RBFOX1: variants seen among roughly 807,000 people sequenced by gnomAD.
RBFOX1 encodes the protein RNA binding fox-1 homolog 1.
RBFOX1 carries 8 observed loss-of-function variants against 57.7 expected under a neutral mutation model. The ratio of observed to expected loss-of-function variants is 0.14; its 90% CI spans 0.08 to 0.25. RBFOX1 has a LOEUF of 0.25. RBFOX1 is among the 10% of genes least tolerant of loss of function. RBFOX1 has a pLI of 1.00. For synonymous variants in RBFOX1, 326 were observed against 222.4 expected (o/e 1.47, Z -4.15); for missense variants, 611 against 548.5 (o/e 1.11, Z -1.14).
At chr16:6,835,742 A>G (rs2093045339) in intron 3 of RBFOX1, among the ~76,000 whole-genome samples, 1 of 139,066 alleles carries the variant, frequency 7.2e-6, no homozygotes, top group Non-Finnish European at 1.5e-5. Context: ...TGATAGAGTA[A>G]GACTCTGCTT....
chr16:7,011,703 T>C (rs1327159301), intron 3 of RBFOX1, among the ~76,000 whole-genome samples: 2 of 152,188 alleles, frequency 1.3e-5, no homozygotes, highest in East Asian at 3.9e-4. Context: ...TTAGTAGAGA[T>C]GGGAGTTTCA....
At chr16:6,195,026 C>T (rs900582602) in intron 1 of RBFOX1, among the ~76,000 whole-genome samples, 4 of 152,104 alleles carry the variant, frequency 2.6e-5, no homozygotes, top group Admixed American at 2.6e-4. Context: ...TTACTCTAGG[C>T]CAGTTTTTCC....
intron 1 of RBFOX1, among the ~76,000 whole-genome samples, chr16:6,254,462 G>C (rs1007425755): frequency 1.3e-5 from 2 of 152,208 alleles, no homozygotes; most frequent in Admixed American, 6.6e-5. Flanking sequence ...AGGCAGAGTA[G>C]CAGAGTGCTT....
At chr16:7,567,156 TATATATCC>T in intron 5 of RBFOX1, among the ~76,000 whole-genome samples, 1 of 147,154 alleles carries the variant, frequency 6.8e-6, no homozygotes, top group African/African-American at 2.5e-5. Context: ...TATCCCTATA[TATATATCC>T]ATATATATAT....
chr16:6,833,727 G>C (rs2092883366), intron 3 of RBFOX1, among the ~76,000 whole-genome samples: 1 of 152,178 alleles, frequency 6.6e-6, no homozygotes, highest in Non-Finnish European at 1.5e-5. Flanking sequence ...AGATGCTATG[G>C]AATATTAAAA....
rs1417570233 is a variant in RBFOX1 at position 6,695,393 on chromosome 16, G to C, written c.-16+40743G>C. 7.3e-5 allele frequency among the ~76,000 whole-genome samples: 9 copies of C among 122,980 alleles called. No individual in the cohort carries two copies. In the Admixed American group the frequency reaches 9.0e-4, roughly 12 times the overall value. The allele number at this position is 122,980 out of a possible 152,430, so 80.7% of individuals were successfully genotyped here. On this transcript the variant is annotated intron_variant, in intron 3 of 15. Coordinates refer to ENST00000550418, the MANE Select transcript of RBFOX1 (RefSeq NM_018723.4). ...ATTGCGCCGCTTCACTCCAGCCTGA[G>C]AGTAAGAGAGAAACTCTGTCAAAAA...
In RBFOX1 at chr16:6,642,668, CAAAGAAAG is replaced by C. The variant is rs5815337; in HGVS notation, c.-63-11932_-63-11925del. On this transcript the variant is annotated intron_variant, in intron 2 of 15. Transcript: ENST00000550418. Reference sequence around the variant, plus strand: ...GGATGCCAAAGAAAGGTAGGGGACTCAAAGAAAGAAGTCAAGATGAAAAGCCTGCTGTC... The same window carrying C: ...GGATGCCAAAGAAAGGTAGGGGACTCAAGTCAAGATGAAAAGCCTGCTGTC... Among the ~76,000 whole-genome samples the C allele has an allele frequency of 2.0e-4, 30 of 151,652 alleles. No homozygotes were observed. In the South Asian group the frequency reaches 2.9e-3, roughly 15 times the overall value.
intron 3 of RBFOX1, among the ~76,000 whole-genome samples, chr16:6,709,901 T>G (rs1266773239): frequency 6.6e-6 from 1 of 152,154 alleles, no homozygotes; most frequent in East Asian, 1.9e-4. Flanking sequence ...ACTGGCCAGA[T>G]GGATCGCTGT....
chr16:7,340,770 C>G (rs1362386924), intron 4 of RBFOX1, among the ~76,000 whole-genome samples: 2 of 152,134 alleles, frequency 1.3e-5, no homozygotes, highest in Non-Finnish European at 2.9e-5. Context: ...GTGACTTGTC[C>G]TATTCTGTTT....
intron 2 of RBFOX1, among the ~76,000 whole-genome samples, chr16:6,588,391 G>A (rs1031627155): frequency 4.6e-5 from 7 of 152,060 alleles, no homozygotes; most frequent in East Asian, 3.9e-4. Context: ...GATGGCTCAC[G>A]CCTGTAATCC....
intron 3 of RBFOX1, among the ~76,000 whole-genome samples, chr16:5,800,047 A>G (rs1374031583): frequency 6.6e-6 from 1 of 152,012 alleles, no homozygotes; most frequent in Non-Finnish European, 1.5e-5. Context: ...TATTTTTTAT[A>G]TATATATGTA....
At chr16:6,389,443 A>T (rs531826813) in intron 2 of RBFOX1, among the ~76,000 whole-genome samples, 1 of 152,294 alleles carries the variant, frequency 6.6e-6, no homozygotes, top group African/African-American at 2.4e-5. Flanking sequence ...AAATGTGGTC[A>T]TTAAGTTTAT....
intron 1 of RBFOX1, among the ~76,000 whole-genome samples, chr16:5,324,577 AT>A (rs1263829173): frequency 6.6e-6 from 1 of 152,242 alleles, no homozygotes; most frequent in Non-Finnish European, 1.5e-5. Context: ...TCAGTGGTAG[AT>A]TGGATAAAGA....
At chr16:6,221,891 T>C (rs567382802) in intron 1 of RBFOX1, among the ~76,000 whole-genome samples, 2 of 152,334 alleles carry the variant, frequency 1.3e-5, no homozygotes, top group East Asian at 3.9e-4. Context: ...AAGGGAATTA[T>C]TCAAGATGAA....
rs956258399 is a variant in RBFOX1 at position 5,693,915 on chromosome 16, C to G, written c.318+94954C>G. Among the ~76,000 whole-genome samples, 3 of 152,286 alleles carry G rather than the reference C, an allele frequency of 2.0e-5. No individual in the cohort carries two copies. In the South Asian group the frequency reaches 6.2e-4, roughly 32 times the overall value. On this transcript the variant is annotated intron_variant, in intron 3 of 19. Transcript: ENST00000641259. ...TGTCTTCTGGGCTGCCTCATTCCCC[C>G]ACCTCGTCACAGGTGGCAATGGCCT...
At chr16:7,585,074 G>A (rs1185168555) in intron 6 of RBFOX1, among the ~76,000 whole-genome samples, 1 of 152,218 alleles carries the variant, frequency 6.6e-6, no homozygotes, top group Non-Finnish European at 1.5e-5. Flanking sequence ...TTTGGAAGAA[G>A]TCCTTTTCAA....
intron 4 of RBFOX1, among the ~76,000 whole-genome samples, chr16:5,977,988 T>TC (rs2060099433): frequency 6.6e-6 from 1 of 151,958 alleles, no homozygotes; most frequent in South Asian, 2.1e-4. Flanking sequence ...TGTGTGTTCT[T>TC]CCTCTTTCTC....
intron 3 of RBFOX1, among the ~76,000 whole-genome samples, chr16:5,694,393 G>C (rs2050785785): frequency 6.6e-6 from 1 of 152,198 alleles, no homozygotes; most frequent in Non-Finnish European, 1.5e-5. Context: ...TAGTGGGGCA[G>C]CAGTTGAGAT....
At chr16:5,820,968 A>C (rs182481758) in intron 3 of RBFOX1, among the ~76,000 whole-genome samples, 1 of 151,930 alleles carries the variant, frequency 6.6e-6, no homozygotes, top group African/African-American at 2.4e-5. Flanking sequence ...CTGTGAGCCC[A>C]CCTCCTCTGG....
Sources: allele counts gnomAD v4.1 joint callset (sites outside exome capture counted in the v4.1 genomes callset), GRCh38; gene constraint gnomAD v4.1.1; transcripts MANE v1.5; gene names NCBI Gene and HGNC (gene_info 2026-07-23, HGNC 2026-07-21).